MAF: variants seen among roughly 807,000 people sequenced by gnomAD.
MAF encodes the protein MAF bZIP transcription factor.
MAF carries 10 observed loss-of-function variants against 22.0 expected under a neutral mutation model. The observed-to-expected ratio is 0.45, with a 90% CI of 0.28 to 0.77. The LOEUF is 0.77. Among genes scored for constraint, MAF ranks in the 30% least tolerant of loss-of-function variants. The pLI, the probability that MAF is intolerant of heterozygous loss-of-function variation, is 0.12. For missense variants in MAF, 544 were observed against 548.4 expected, an observed-to-expected ratio of 0.99 and a Z score of 0.08; for synonymous variants, 337 against 255.8, an observed-to-expected ratio of 1.32 and a Z score of -3.03.
rs1913864250 is a variant in MAF at position 79,599,554 on chromosome 16, G to T, written c.349C>A (p.Leu117Ile). Residue 117 changes from leucine (L) to isoleucine (I), a missense_variant, in exon 1 of 2, where the codon CTC (leucine) becomes ATC (isoleucine). By Grantham distance (5) the Leu-to-Ile change is conservative. Transcript: ENST00000326043. ...TGGAGCTGGTGGCTGTTGCTGATGA[G>T]CGCCTCGACCGCGTCCTCGGGGCTG... is the stretch of plus-strand genomic sequence containing the variant. Reference protein sequence around the residue: ...GFSPEDAVEALISNSHQLQGG... With the variant: ...GFSPEDAVEAIISNSHQLQGG... 6.3e-7 allele frequency: 1 copy of T among 1,578,666 alleles called. No homozygotes were observed. The highest frequency in any genetic ancestry group is 8.6e-7 in the Non-Finnish European group (1 of 1,162,898).
chr16:79,585,058 TTTTA>T (rs1182161840), downstream of MAF, among the ~76,000 whole-genome samples: 5 of 152,140 alleles, frequency 3.3e-5, no homozygotes, highest in Admixed American at 2.0e-4. Context: ...CAAGCACAAT[TTTTA>T]ATTAAAAAAA....
At chr16:79,241,476 G>C in the MAF span, among the ~76,000 whole-genome samples, 5 of 152,016 alleles carry the variant, frequency 3.3e-5, no homozygotes, top group African/African-American at 1.2e-4. Context: ...AATAAAGTGA[G>C]AAGACAAGAT....
the MAF span, among the ~76,000 whole-genome samples, chr16:79,377,878 T>C: frequency 7.9e-5 from 12 of 152,286 alleles, no homozygotes; most frequent in South Asian, 2.5e-3. Flanking sequence ...TTCTGTTCCA[T>C]TGGTCTATAT....
chr16:79,317,439 C>T, the MAF span, among the ~76,000 whole-genome samples: 2 of 138,916 alleles, frequency 1.4e-5, no homozygotes, highest in Admixed American at 7.1e-5. Flanking sequence ...TTCTTCCCTC[C>T]CTCCCTCCCT....
the MAF span, among the ~76,000 whole-genome samples, chr16:79,445,209 A>AT: frequency 0.011 from 1,551 of 145,212 alleles, 16 homozygotes; most frequent in African/African-American, 0.032. Flanking sequence ...AATTTTTTGT[A>AT]TTTTTTTTTT....
the MAF span, among the ~76,000 whole-genome samples, chr16:79,526,688 C>T: frequency 3.9e-5 from 6 of 152,164 alleles, no homozygotes; most frequent in Non-Finnish European, 8.8e-5. Context: ...CAAAACAAAA[C>T]ACTGTGGTAA....
the MAF span, among the ~76,000 whole-genome samples, chr16:79,413,338 G>A: frequency 1.4e-5 from 2 of 140,076 alleles, no homozygotes; most frequent in African/African-American, 2.7e-5. Context: ...CGCCTCCCGG[G>A]TTCACGCCAT....
At chr16:79,481,848 G>T in the MAF span, among the ~76,000 whole-genome samples, 2 of 152,154 alleles carry the variant, frequency 1.3e-5, no homozygotes, top group African/African-American at 2.4e-5. Context: ...CCTCCATCTG[G>T]GTAGGGGAGA....
the MAF span, among the ~76,000 whole-genome samples, chr16:79,573,319 T>C: frequency 6.6e-6 from 1 of 152,252 alleles, no homozygotes; most frequent in Admixed American, 6.5e-5. Context: ...CATTTGGGTT[T>C]TACATCAGGC....
chr16:79,360,758 C>T, the MAF span, among the ~76,000 whole-genome samples: 2 of 152,120 alleles, frequency 1.3e-5, no homozygotes, highest in African/African-American at 2.4e-5. Context: ...GCGGCAAGAT[C>T]CACTGCAAGA....
At chr16:79,345,442 T>G in the MAF span, among the ~76,000 whole-genome samples, 1 of 152,162 alleles carries the variant, frequency 6.6e-6, no homozygotes, top group African/African-American at 2.4e-5. Flanking sequence ...ATCATTAAAA[T>G]ATTTTTTTGG....
At chr16:79,413,848 C>A in the MAF span, among the ~76,000 whole-genome samples, 2 of 152,264 alleles carry the variant, frequency 1.3e-5, no homozygotes, top group African/African-American at 4.8e-5. Flanking sequence ...TATGATAACA[C>A]ATCGTTCATT....
At chr16:79,385,853 G>A in the MAF span, among the ~76,000 whole-genome samples, 1 of 152,168 alleles carries the variant, frequency 6.6e-6, no homozygotes, top group Non-Finnish European at 1.5e-5. Flanking sequence ...GTTGCAGTGA[G>A]CCAAGATAGT....
chr16:79,378,931 G>C, the MAF span, among the ~76,000 whole-genome samples: 1 of 152,134 alleles, frequency 6.6e-6, no homozygotes, highest in East Asian at 1.9e-4. Context: ...TACATTTTTA[G>C]GTGGCATTTA....
At chr16:79,520,348 A>G in the MAF span, among the ~76,000 whole-genome samples, 13,483 of 152,026 alleles carry the variant, frequency 0.089, 809 homozygotes, top group Admixed American at 0.19. Context: ...TACCACGTAC[A>G]TTTCCCATCT....
At position 79,599,990 on chromosome 16, in the gene MAF, G is replaced by C. The variant is rs4081752; in HGVS notation, c.-88C>G. The C allele has an allele frequency of 1.7e-5, 26 of 1,574,486 alleles. No homozygotes were observed. The highest frequency in any genetic ancestry group is 5.1e-5 in the Admixed American group (3 of 58,454). On this transcript the variant is annotated 5_prime_UTR_variant, in exon 1 of 2. Coordinates refer to ENST00000326043, the MANE Select transcript of MAF (RefSeq NM_005360.5). ...GCGGGCTGTGCTGGGTGGCCAGCGG[G>C]TGAGCCAGCTTGCCGGGCTGGGGCG... is the stretch of plus-strand genomic sequence containing the variant.
Position 79,599,359 on chromosome 16 carries a change from G to T in MAF, c.544C>A (p.His182Asn). 1.0e-6 allele frequency: 1 copy of T among 994,650 alleles called. No homozygotes were observed. The highest frequency in any genetic ancestry group is 4.5e-5 in the South Asian group (1 of 22,194). 61.6% of individuals were successfully genotyped at this position (994,650 alleles called of 1,614,324 possible). A position where few individuals can be genotyped will look rare whatever the true frequency, so the allele number is the denominator to read the frequency against. Residue 182 changes from histidine (H) to asparagine (N), a missense_variant, in exon 1 of 2, where the codon CAC becomes AAC. Around this residue, in one of 5 missense-constraint regions of MAF, gnomAD observed 342 missense variants for 315.5 expected, o/e 1.08. Coordinates refer to ENST00000326043, the MANE Select transcript of MAF (RefSeq NM_005360.5). ...AAQSGAGPHY[H>N]HHHHHAAGHH... is the part of the protein sequence containing the mutation. ...CCGGCGGCGTGGTGGTGGTGGTGGT[G>T]GTAGTGCGGGCCCGCGCCGCTCTGC...
the MAF span, among the ~76,000 whole-genome samples, chr16:79,215,014 C>T: frequency 0.024 from 3,696 of 152,194 alleles, 51 homozygotes; most frequent in Non-Finnish European, 0.038. Context: ...TTGGCTATTA[C>T]ATCTGATTTC....
the MAF span, among the ~76,000 whole-genome samples, chr16:79,477,996 C>G: frequency 2.6e-5 from 4 of 152,122 alleles, no homozygotes; most frequent in South Asian, 2.1e-4. Context: ...GCTGGGATTA[C>G]AGGTGTGAGC....
Sources: gnomAD v4.1 joint callset for allele counts (sites outside exome capture counted in the v4.1 genomes callset) on GRCh38, gnomAD v4.1.1 for gene constraint, gnomAD v4.1.1 regional missense constraint, MANE v1.5 for transcripts, NCBI Gene and HGNC (gene_info 2026-07-23, HGNC 2026-07-21) for gene names.